Variants in CELF2 observed in about 807,000 individuals in gnomAD.
CELF2 encodes CUG triplet repeat RNA-binding protein 2.
In CELF2, 8 loss-of-function variants were observed where a neutral mutation model predicts 62.6. The ratio of observed to expected loss-of-function variants is 0.13; its 90% CI spans 0.07 to 0.23. The LOEUF is 0.23. CELF2 is among the 10% of genes least tolerant of loss of function. The probability of loss-of-function intolerance (pLI) is 1.00; values close to 1 mark genes in which losing one functional copy is unlikely to be tolerated. For missense variants in CELF2, 333 were observed against 671.0 expected (o/e 0.50, Z 5.56); for synonymous variants, 258 against 250.0 (o/e 1.03, Z -0.30).
chr10:10,465,105 G>A, the CELF2 span, among the ~76,000 whole-genome samples: 2 of 152,016 alleles, frequency 1.3e-5, no homozygotes, highest in Non-Finnish European at 2.9e-5. Flanking sequence ...CAGACATATG[G>A]ACAAAAATAT....
intron 1 of CELF2, among the ~76,000 whole-genome samples, chr10:10,897,524 C>A (rs2134029374): frequency 6.6e-6 from 1 of 152,232 alleles, no homozygotes; most frequent in East Asian, 1.9e-4. Context: ...GGAAAATTCT[C>A]AACCTATCCA....
chr10:10,672,181 G>A, the CELF2 span, among the ~76,000 whole-genome samples: 41 of 152,022 alleles, frequency 2.7e-4, no homozygotes, highest in East Asian at 1.7e-3. Flanking sequence ...ATTTATCGCC[G>A]GTCTGTGACT....
At chr10:10,834,344 A>G (rs2058105887) in intron 1 of CELF2, among the ~76,000 whole-genome samples, 1 of 152,108 alleles carries the variant, frequency 6.6e-6, no homozygotes, top group South Asian at 2.1e-4. Flanking sequence ...AGGCTCAGGA[A>G]AAATAACTAA....
chr10:10,782,294 G>A, the CELF2 span, among the ~76,000 whole-genome samples: 34 of 152,322 alleles, frequency 2.2e-4, no homozygotes, highest in African/African-American at 5.8e-4. Flanking sequence ...AATTCAGTTC[G>A]AGGACAGAGA....
the CELF2 span, among the ~76,000 whole-genome samples, chr10:10,540,391 C>T: frequency 1.3e-5 from 2 of 152,290 alleles, no homozygotes; most frequent in East Asian, 3.9e-4. Context: ...CTCTCAGGAA[C>T]CTTTTGCTTT....
At chr10:10,650,823 C>T in the CELF2 span, among the ~76,000 whole-genome samples, 3 of 152,214 alleles carry the variant, frequency 2.0e-5, no homozygotes, top group Non-Finnish European at 2.9e-5. Context: ...GATTCCACTC[C>T]TAGGTATGTA....
chr10:11,132,808 C>G (rs1167611259), intron 1 of CELF2, among the ~76,000 whole-genome samples: 1 of 152,164 alleles, frequency 6.6e-6, no homozygotes, highest in African/African-American at 2.4e-5. Context: ...GACCCTTAGG[C>G]CTTTGCTCAT....
At chr10:10,644,402 CGTGT>C in the CELF2 span, among the ~76,000 whole-genome samples, 1,384 of 149,932 alleles carry the variant, frequency 9.2e-3, 20 homozygotes, top group African/African-American at 0.03. Flanking sequence ...AGTGTGTGTT[CGTGT>C]GTGTGTGTGT....
chr10:11,286,396 A>C (rs770990682), intron 8 of CELF2, among the ~76,000 whole-genome samples: 6 of 152,244 alleles, frequency 3.9e-5, no homozygotes, highest in Admixed American at 6.5e-5. Context: ...TGGTCTGGTC[A>C]TGGTTCACGT....
At chr10:10,698,153 T>C in the CELF2 span, among the ~76,000 whole-genome samples, 1 of 152,172 alleles carries the variant, frequency 6.6e-6, no homozygotes, top group Non-Finnish European at 1.5e-5. Context: ...TAAATAGCAG[T>C]CAGTTTATTT....
At chr10:10,644,331 A>C in the CELF2 span, among the ~76,000 whole-genome samples, 1 of 152,244 alleles carries the variant, frequency 6.6e-6, no homozygotes, top group South Asian at 2.1e-4. Flanking sequence ...TCTTATCAAG[A>C]TAGCAAGGTC....
chr10:11,194,285 C>A (rs901034419), intron 2 of CELF2, among the ~76,000 whole-genome samples: 1 of 151,996 alleles, frequency 6.6e-6, no homozygotes, highest in Non-Finnish European at 1.5e-5. Context: ...AGGATGATCT[C>A]GATCTCTTGA....
intron 2 of CELF2, among the ~76,000 whole-genome samples, chr10:10,975,952 G>A (rs887301178): frequency 2.0e-5 from 3 of 152,226 alleles, no homozygotes; most frequent in African/African-American, 7.2e-5. Flanking sequence ...TAAGGGGTGG[G>A]TCAATGGAAA....
intron 2 of CELF2, among the ~76,000 whole-genome samples, chr10:11,197,426 A>T (rs1350741004): frequency 6.6e-6 from 1 of 152,238 alleles, no homozygotes; most frequent in African/African-American, 2.4e-5. Context: ...ATAAACAGAT[A>T]CTAGGGTAGC....
rs2140415509 is a variant in CELF2, at chr10:11,309,680, C to G, written c.977-4459C>G. Among the ~76,000 whole-genome samples, 1 of 152,276 alleles carries G rather than the reference C, an allele frequency of 6.6e-6. No homozygotes were observed. The highest frequency in any genetic ancestry group is 1.5e-5 in the Non-Finnish European group (1 of 68,026). On this transcript the variant is annotated intron_variant, in intron 9 of 12. Transcript: ENST00000633077. This position sits in a 1 kb window ranked among gnomAD's most constrained non-coding sequence, Gnocchi z 5.6. ...CGTAGGGGTGCTCTTTCGGCCAGTC[C>G]TTGAGGCCTGCTCTGATCCCAGGAG...
chr10:10,605,411 G>A, the CELF2 span, among the ~76,000 whole-genome samples: 12 of 152,100 alleles, frequency 7.9e-5, no homozygotes, highest in African/African-American at 1.9e-4. Context: ...CATCCTGCAC[G>A]AGTACCCTGA....
the CELF2 span, among the ~76,000 whole-genome samples, chr10:10,736,384 C>T: frequency 9.9e-5 from 8 of 80,538 alleles, no homozygotes; most frequent in Non-Finnish European, 1.1e-4. Context: ...TTCTTTCTTT[C>T]TTTCTTTCTT....
the CELF2 span, among the ~76,000 whole-genome samples, chr10:10,631,307 G>T: frequency 1.3e-5 from 2 of 152,192 alleles, no homozygotes; most frequent in African/African-American, 2.4e-5. Context: ...ACATGTATTT[G>T]GAAATTGTCA....
chr10:11,250,979 T>A (rs1360254595), intron 4 of CELF2, among the ~76,000 whole-genome samples: 1 of 152,312 alleles, frequency 6.6e-6, no homozygotes, highest in East Asian at 1.9e-4. Context: ...GTGCTTGCAG[T>A]CTGATGACTT....
Sources: gnomAD v4.1 joint callset for allele counts (sites outside exome capture counted in the v4.1 genomes callset) on GRCh38, gnomAD v4.1.1 for gene constraint, Gnocchi (gnomAD v3.1) non-coding constraint, MANE v1.5 for transcripts, NCBI Gene and HGNC (gene_info 2026-07-23, HGNC 2026-07-21) for gene names.